MCTP1: variants seen among roughly 807,000 people sequenced by gnomAD.
MCTP1 encodes the protein multiple C2 and transmembrane domain containing 1.
A neutral mutation model predicts 120.6 loss-of-function variants in MCTP1; 69 were observed. The ratio of observed to expected loss-of-function variants is 0.57; its 90% confidence interval spans 0.47 to 0.70. The LOEUF (loss-of-function observed/expected upper bound fraction) is 0.70. Among genes scored for constraint, MCTP1 ranks in the 30% least tolerant of loss-of-function variants. The probability of loss-of-function intolerance (pLI) is 0.00; values close to 1 mark genes in which losing one functional copy is unlikely to be tolerated. For synonymous variants in MCTP1, 529 were observed against 493.1 expected, an observed-to-expected ratio of 1.07 and a Z score of -0.96; for missense variants, 1,203 against 1,248.8, an observed-to-expected ratio of 0.96 and a Z score of 0.55.
At chr5:95,142,985 T>C (rs1394478303) in intron 1 of MCTP1, among the ~76,000 whole-genome samples, 2 of 152,130 alleles carry the variant, frequency 1.3e-5, no homozygotes, top group Non-Finnish European at 2.9e-5. Flanking sequence ...TAAAATATAC[T>C]GTTTTTTTCA....
chr5:94,917,762 G>C, intron 8 of MCTP1, 134 bp downstream of exon 8: 1 of 610,370 alleles, frequency 1.6e-6, no homozygotes, highest in Non-Finnish European at 2.9e-6. Context: ...AAAAAATTAA[G>C]ATTACAATTC....
At position 94,870,977 on chromosome 5, in the gene MCTP1, C is replaced by T. The variant is rs1251900874; in HGVS notation, c.2140-4G>A. On this transcript the variant is annotated splice_polypyrimidine_tract_variant and splice_region_variant and intron_variant, in intron 14 of 22. Coordinates refer to ENST00000515393, the MANE Select transcript of MCTP1 (RefSeq NM_024717.7). ...CTTTCTGTTCACCATTTTGAATCTG[C>T]GGGAAAAGGACATGACAGCCGTCTG... is the stretch of plus-strand genomic sequence containing the variant. The T allele has an allele frequency of 5.6e-6, 9 of 1,611,084 alleles. No homozygotes were observed. The East Asian group carries it at 6.7e-5, about 12-fold the overall frequency.
chr5:94,995,256 AAC>A (rs1391294269), intron 2 of MCTP1, among the ~76,000 whole-genome samples: 1 of 152,304 alleles, frequency 6.6e-6, no homozygotes, highest in East Asian at 1.9e-4. Flanking sequence ...GGTTTCTTAA[AAC>A]ACAGATTCGT....
intron 1 of MCTP1, among the ~76,000 whole-genome samples, chr5:95,218,144 T>C (rs1448641646): frequency 1.3e-5 from 2 of 152,198 alleles, no homozygotes; most frequent in Admixed American, 1.3e-4. Flanking sequence ...TTTCTAGTCC[T>C]CCAAATGAGT....
chr5:94,871,006 C>A, intron 14 of MCTP1, 33 bp from the exon 15 acceptor site: 1 of 1,554,964 alleles, frequency 6.4e-7, no homozygotes. Flanking sequence ...CCGTCTGTCT[C>A]GCGGTCTCTA....
chr5:94,857,524 T>A (rs1382899056), intron 17 of MCTP1, among the ~76,000 whole-genome samples: 1 of 151,670 alleles, frequency 6.6e-6, no homozygotes, highest in Non-Finnish European at 1.5e-5. Flanking sequence ...GTGAATTATC[T>A]CCTATTCTTA....
chr5:94,788,379 A>G (rs1778198218), intron 18 of MCTP1, among the ~76,000 whole-genome samples: 1 of 152,222 alleles, frequency 6.6e-6, no homozygotes, highest in Non-Finnish European at 1.5e-5. Context: ...TTAAAAAATG[A>G]ACACAAAACT....
chr5:94,990,544 G>A (rs1831337147), intron 2 of MCTP1, among the ~76,000 whole-genome samples: 1 of 152,112 alleles, frequency 6.6e-6, no homozygotes, highest in Non-Finnish European at 1.5e-5. Flanking sequence ...GCTCAAGGAG[G>A]GCTCCAGTCC....
intron 19 of MCTP1, among the ~76,000 whole-genome samples, chr5:94,740,916 G>T (rs1288982027): frequency 6.6e-6 from 1 of 152,190 alleles, no homozygotes; most frequent in Non-Finnish European, 1.5e-5. Flanking sequence ...CCTGGAGAAG[G>T]TGAGAACACA....
rs550760646 is a variant in MCTP1 at position 94,882,869 on chromosome 5, A to G, written c.1933+6010T>C. Among the ~76,000 whole-genome samples the G allele has an allele frequency of 2.9e-4, 44 of 152,288 alleles. 1 individual carries two copies. The South Asian group carries it at 8.7e-3, about 30-fold the overall frequency. On this transcript the variant is annotated intron_variant, in intron 12 of 22. Transcript: ENST00000515393. ...TATCTTCTAACCATGTGACCTGCAT[A>G]TGAATCACACATGATTTCTGTAATT...
chr5:95,013,847 G>T (rs1836527991), intron 2 of MCTP1, among the ~76,000 whole-genome samples: 2 of 152,002 alleles, frequency 1.3e-5, no homozygotes, highest in Non-Finnish European at 2.9e-5. Flanking sequence ...TACTTTCAAG[G>T]CTTATAATTT....
At chr5:94,900,274 T>C (rs888146597) in intron 10 of MCTP1, among the ~76,000 whole-genome samples, 3 of 152,246 alleles carry the variant, frequency 2.0e-5, no homozygotes, top group Non-Finnish European at 2.9e-5. Flanking sequence ...TTGAAATAAC[T>C]TGCAGCTGTC....
At chr5:95,218,992 C>A (rs1300437019) in intron 1 of MCTP1, among the ~76,000 whole-genome samples, 1 of 152,166 alleles carries the variant, frequency 6.6e-6, no homozygotes, top group Non-Finnish European at 1.5e-5. Context: ...CAATGCATGA[C>A]TGTACTTCAT....
chr5:94,867,331 A>G lies in MCTP1; in HGVS notation c.2436+1002T>C, dbSNP rs574978117. 131 of 1,533,220 alleles carry G rather than the reference A, an allele frequency of 8.5e-5. No individual in the cohort carries two copies. The African/African-American group carries it at 1.3e-3, about 15-fold the overall frequency. The allele number at this position is 1,533,220 out of a possible 1,614,324, so 95.0% of individuals were successfully genotyped here. A position where few individuals can be genotyped will look rare whatever the true frequency, so the allele number is the denominator to read the frequency against. On this transcript the variant is annotated intron_variant, in intron 17 of 22. Transcript: ENST00000515393. ...GGTAACTTACAACACAAAGGGACGT[A>G]GACACTCTTTGTTCCATGTGCTCAG...
intron 2 of MCTP1, among the ~76,000 whole-genome samples, chr5:94,993,046 T>C (rs1387134462): frequency 6.6e-6 from 1 of 152,242 alleles, no homozygotes; most frequent in Non-Finnish European, 1.5e-5. Flanking sequence ...ATTTCTTTAA[T>C]AAAGAACAAA....
At chr5:94,951,991 G>A (rs1194177666) in intron 3 of MCTP1, among the ~76,000 whole-genome samples, 1 of 151,918 alleles carries the variant, frequency 6.6e-6, no homozygotes, top group Non-Finnish European at 1.5e-5. Flanking sequence ...GGCCAGCATG[G>A]TGAAATGCCA....
chr5:95,140,321 T>C (rs1759800924), intron 1 of MCTP1, among the ~76,000 whole-genome samples: 1 of 152,168 alleles, frequency 6.6e-6, no homozygotes, highest in African/African-American at 2.4e-5. Flanking sequence ...TTGAAGGTGT[T>C]TAAGGCAATT....
chr5:94,833,514 G>C (rs1463894658), intron 17 of MCTP1, among the ~76,000 whole-genome samples: 1 of 152,116 alleles, frequency 6.6e-6, no homozygotes, highest in African/African-American at 2.4e-5. Context: ...GTTGCTAGAA[G>C]GTGGAACCAT....
intron 1 of MCTP1, among the ~76,000 whole-genome samples, chr5:95,070,947 T>C (rs1178830010): frequency 1.3e-5 from 2 of 152,108 alleles, no homozygotes; most frequent in East Asian, 3.9e-4. Flanking sequence ...GGCAATGTAT[T>C]GGTTCAAGGG....
Sources: allele counts gnomAD v4.1 joint callset (sites outside exome capture counted in the v4.1 genomes callset), GRCh38; gene constraint gnomAD v4.1.1; transcripts MANE v1.5; gene names NCBI Gene and HGNC (gene_info 2026-07-23, HGNC 2026-07-21).